Variants in CDH7 observed in about 807,000 individuals in gnomAD.
CDH7 encodes the protein cadherin 7, also known as cadherin-7.
A neutral mutation model predicts 71.8 loss-of-function variants in CDH7; 25 were observed. The ratio of observed to expected loss-of-function variants is 0.35; its 90% CI spans 0.25 to 0.49. The LOEUF (loss-of-function observed/expected upper bound fraction) is 0.49, where lower values mean the gene tolerates loss of function less well. Ranked by LOEUF, CDH7 falls within the 20% of genes least tolerant of loss-of-function variation. The probability of loss-of-function intolerance (pLI) is 0.99; values close to 1 mark genes in which losing one functional copy is unlikely to be tolerated. For synonymous variants in CDH7, 381 were observed against 363.8 expected (o/e 1.05, Z -0.54); for missense variants, 862 against 974.6 (o/e 0.88, Z 1.54).
chr18:65,789,334 G>A lies in CDH7; in HGVS notation c.211-20370G>A, dbSNP rs111336252. 1.6e-3 allele frequency among the ~76,000 whole-genome samples: 239 copies of A among 152,300 alleles called. 2 individuals are homozygous for A. The highest frequency in any genetic ancestry group is 5.4e-3 in the African/African-American group (224 of 41,570). ...CAAAAGAAGCAGCTTATGCAAAGGCGTGGAGACTTGAGAAAATACAATCTG... is the reference window on the plus strand; with the variant it reads ...CAAAAGAAGCAGCTTATGCAAAGGCATGGAGACTTGAGAAAATACAATCTG... On this transcript the variant is annotated intron_variant, in intron 2 of 11. Coordinates refer to ENST00000397968, the MANE Select transcript of CDH7 (RefSeq NM_004361.5).
intron 2 of CDH7, among the ~76,000 whole-genome samples, chr18:65,778,673 TTTG>T (rs903251969): frequency 6.1e-4 from 93 of 151,480 alleles, no homozygotes; most frequent in African/African-American, 2.1e-3. Flanking sequence ...TTTCTTTTTT[TTTG>T]TTTGTTTTTC....
In CDH7 at chr18:65,843,831, A is replaced by T. The variant is rs958023579; in HGVS notation, c.1001A>T (p.Lys334Ile). 2.6e-6 allele frequency: 4 copies of T among 1,524,824 alleles called. No individual in the cohort carries two copies. In the African/African-American group the frequency reaches 5.6e-5, roughly 21 times the overall value. 94.5% of individuals were successfully genotyped at this position (1,524,824 alleles called of 1,614,324 possible). A position where few individuals can be genotyped will look rare whatever the true frequency, so the allele number is the denominator to read the frequency against. The change falls in exon 7 of 12, where the codon AAA (lysine) becomes ATA (isoleucine). Residue 334 changes from lysine (K) to isoleucine (I), a missense_variant. Coordinates refer to ENST00000397968, the MANE Select transcript of CDH7 (RefSeq NM_004361.5). ...TTACAGGAGCTGGATTTTGAAGCCA[A>T]AACAAGTTACACGCTACGGATAGAA... The part of the protein sequence containing the change: ...TIQKELDFEA[K>I]TSYTLRIEAA...
chr18:65,814,050 A>C (rs1457717610), intron 3 of CDH7, among the ~76,000 whole-genome samples: 6 of 152,168 alleles, frequency 3.9e-5, no homozygotes, highest in African/African-American at 1.4e-4. Context: ...CTTCTTAACT[A>C]TGACAGTTGT....
In CDH7 at chr18:65,757,778, CAT is replaced by C. The variant is rs34101205; in HGVS notation, c.-196-4856_-196-4855del. Among the ~76,000 whole-genome samples, 1,359 of 142,090 alleles carry C rather than the reference CAT, an allele frequency of 9.6e-3. 22 individuals are homozygous for C. The highest frequency in any genetic ancestry group is 0.037 in the African/African-American group (1,306 of 35,498). 93.2% of individuals were successfully genotyped at this position (142,090 alleles called of 152,430 possible). Reference sequence around the variant, plus strand: ...GTAGACATTCCTTCAACTGTATATCCATATATATATATATTTTTTTTTTCTGC... The same window carrying C: ...GTAGACATTCCTTCAACTGTATATCCATATATATATATTTTTTTTTTCTGC... On this transcript the variant is annotated intron_variant, in intron 1 of 11. Transcript: ENST00000397968.
At chr18:65,802,449 A>G (rs1344289566) in intron 2 of CDH7, among the ~76,000 whole-genome samples, 1 of 152,128 alleles carries the variant, frequency 6.6e-6, no homozygotes, top group Admixed American at 6.5e-5. Flanking sequence ...CCAATACCTC[A>G]CTTTGAGTGG....
chr18:65,866,298 C>CAAAAAAAAAA (rs764157639), intron 11 of CDH7: 1 of 942 alleles, frequency 1.1e-3, no homozygotes, highest in Non-Finnish European at 1.6e-3. Flanking sequence ...GACTCCGTCT[C>CAAAAAAAAAA]AAAAAAAAAA....
At chr18:65,841,348 C>A (rs1052348058) in intron 6 of CDH7, among the ~76,000 whole-genome samples, 6 of 152,070 alleles carry the variant, frequency 3.9e-5, no homozygotes, top group Non-Finnish European at 8.8e-5. Flanking sequence ...ATAAGGGAGA[C>A]AAACTTTTAC....
rs75348932 is a variant in CDH7, at chr18:65,876,186, G to A, written c.1865-4215G>A. On this transcript the variant is annotated intron_variant, in intron 11 of 11. Coordinates refer to ENST00000397968, the MANE Select transcript of CDH7 (RefSeq NM_004361.5). ...TGCTTATTTGTAGGAACCCTCTCTT[G>A]ATATGCTTTTGCCAATATCCAGCAC... Among the ~76,000 whole-genome samples the A allele has an allele frequency of 2.7e-3, 418 of 152,158 alleles. 3 individuals are homozygous for A. The highest frequency in any genetic ancestry group is 9.3e-3 in the African/African-American group (388 of 41,510).
At chr18:65,784,351 G>C (rs751328575) in intron 2 of CDH7, among the ~76,000 whole-genome samples, 1 of 152,116 alleles carries the variant, frequency 6.6e-6, no homozygotes, top group Non-Finnish European at 1.5e-5. Context: ...CCTGGGGAAA[G>C]TGAATTTCAG....
rs758743089 is a variant in CDH7 at position 65,857,877 on chromosome 18, G to A, written c.1297G>A (p.Val433Ile). The A allele has an allele frequency of 3.7e-6, 6 of 1,613,402 alleles. No individual in the cohort carries two copies. Among genetic ancestry groups the A allele is most frequent in the Non-Finnish European group, 4.2e-6 (5 of 1,179,428 alleles). ...RYFNIDANSG[V>I]ITTAKSLDRE... is the part of the protein sequence containing the mutation. ...CTTCAATATTGATGCCAACAGTGGG[G>A]TCATCACAACTGCCAAGTCTTTGGA... is the stretch of plus-strand genomic sequence containing the variant. The change falls in exon 8 of 12, where the codon GTC becomes ATC. Residue 433 changes from valine (V) to isoleucine (I), a missense_variant. Coordinates refer to ENST00000397968, the MANE Select transcript of CDH7 (RefSeq NM_004361.5).
intron 7 of CDH7, among the ~76,000 whole-genome samples, chr18:65,854,966 T>C (rs1014391430): frequency 3.3e-5 from 5 of 151,226 alleles, no homozygotes; most frequent in Admixed American, 6.6e-5. Flanking sequence ...CACACACACA[T>C]AGATACACAC....
intron 2 of CDH7, among the ~76,000 whole-genome samples, chr18:65,796,605 G>T (rs1910925645): frequency 6.6e-6 from 1 of 152,038 alleles, no homozygotes; most frequent in Non-Finnish European, 1.5e-5. Flanking sequence ...AAGACCCCTT[G>T]GTTCAACCTG....
chr18:65,845,260 G>GA (rs981662604), intron 7 of CDH7, among the ~76,000 whole-genome samples: 3 of 149,516 alleles, frequency 2.0e-5, no homozygotes, highest in Non-Finnish European at 2.9e-5. Context: ...GATTGGTATA[G>GA]AAAAATAGTT....
At chr18:65,819,051 C>T (rs1193599952) in intron 4 of CDH7, among the ~76,000 whole-genome samples, 2 of 151,928 alleles carry the variant, frequency 1.3e-5, no homozygotes, top group Non-Finnish European at 2.9e-5. Flanking sequence ...TGGTAGGAAC[C>T]AGCAGATGTC....
At chr18:65,801,041 C>A (rs1213599160) in intron 2 of CDH7, among the ~76,000 whole-genome samples, 3 of 152,112 alleles carry the variant, frequency 2.0e-5, no homozygotes, top group African/African-American at 4.8e-5. Context: ...TGTGTGGTCA[C>A]CAAAATTACA....
chr18:65,824,624 T>G lies in CDH7; in HGVS notation c.794-20T>G, dbSNP rs547468346. Reference sequence around the variant, plus strand: ...GTTAGTTTGGTGTAACGTGTTCATTTCTTGCTTTGAATTTCACAGGGTCTT... The same window carrying G: ...GTTAGTTTGGTGTAACGTGTTCATTGCTTGCTTTGAATTTCACAGGGTCTT... On this transcript the variant is annotated intron_variant, in intron 5 of 11. Coordinates refer to ENST00000397968, the MANE Select transcript of CDH7 (RefSeq NM_004361.5). The G allele has an allele frequency of 1.3e-6, 2 of 1,500,490 alleles. No homozygotes were observed. Among genetic ancestry groups the G allele is most frequent in the South Asian group, 2.7e-5 (2 of 72,798 alleles). 92.9% of individuals were successfully genotyped at this position (1,500,490 alleles called of 1,614,324 possible).
chr18:65,874,407 A>G (rs550113973), intron 11 of CDH7, among the ~76,000 whole-genome samples: 1 of 152,178 alleles, frequency 6.6e-6, no homozygotes, highest in Non-Finnish European at 1.5e-5. Context: ...TCTCTTTAAT[A>G]TAAGTAGCCT....
chr18:65,809,660 A>G (rs374844505), intron 2 of CDH7, 44 bp from the exon 3 acceptor site: 33 of 1,497,382 alleles, frequency 2.2e-5, no homozygotes, highest in Non-Finnish European at 2.9e-5. Flanking sequence ...CATATCACTG[A>G]CTCTCTTGTA....
Position 65,859,702 on chromosome 18 carries a change from T to A in CDH7, c.1495-6T>A, listed in dbSNP as rs760479832. The A allele has an allele frequency of 2.6e-6, 4 of 1,555,362 alleles. No individual in the cohort carries two copies. The South Asian group carries it at 4.4e-5, about 17-fold the overall frequency. ...TGCTTTCATCTTTTACTTTCTCTTT[T>A]CCTAGGTTATCCAGAAAATCAGTGC... On this transcript the variant is annotated splice_polypyrimidine_tract_variant and splice_region_variant and intron_variant, in intron 9 of 11. Coordinates refer to ENST00000397968, the MANE Select transcript of CDH7 (RefSeq NM_004361.5).
Sources: gnomAD v4.1 joint callset for allele counts (sites outside exome capture counted in the v4.1 genomes callset) on GRCh38, gnomAD v4.1.1 for gene constraint, MANE v1.5 for transcripts, NCBI Gene and HGNC (gene_info 2026-07-23, HGNC 2026-07-21) for gene names.